ELOVL4: variants seen among roughly 807,000 people sequenced by gnomAD.
ELOVL4 encodes ELOVL fatty acid elongase 4.
In ELOVL4, 18 loss-of-function variants were observed where a neutral mutation model predicts 42.1. That is an observed-to-expected ratio of 0.43 (90% CI 0.30 to 0.63). The LOEUF is 0.63. ELOVL4 is among the 30% of genes least tolerant of loss of function. The pLI is 0.15. For missense variants in ELOVL4, 299 were observed against 376.2 expected (o/e 0.79, Z 1.70); for synonymous variants, 117 against 127.0 (o/e 0.92, Z 0.53).
intron 1 of ELOVL4, among the ~76,000 whole-genome samples, chr6:79,927,789 A>G (rs1011108202): frequency 3.3e-5 from 5 of 152,214 alleles, no homozygotes; most frequent in African/African-American, 1.2e-4. Context: ...TCATAGTTTT[A>G]AAAGGAGGTC....
chr6:79,930,419 C>A (rs186255572), intron 1 of ELOVL4, among the ~76,000 whole-genome samples: 37 of 152,266 alleles, frequency 2.4e-4, no homozygotes, highest in Non-Finnish European at 3.7e-4. Context: ...CAATTCCCAA[C>A]CTTTTAATAA....
intron 4 of ELOVL4, 140 bp downstream of exon 4, chr6:79,921,485 A>AAG: frequency 1.0e-5 from 6 of 589,990 alleles, no homozygotes; most frequent in South Asian, 7.2e-5. Context: ...AAAAAAAAAA[A>AAG]AAAAGAAATG....
In ELOVL4 at chr6:79,915,418, C is replaced by T. The variant is rs1271126146; in HGVS notation, c.*1190G>A. 2 of 152,504 alleles carry T rather than the reference C, an allele frequency of 1.3e-5. No homozygotes were observed. Among genetic ancestry groups the T allele is most frequent in the Non-Finnish European group, 2.9e-5 (2 of 67,986 alleles). The allele number at this position is 152,504 out of a possible 1,614,324, so 9.4% of individuals were successfully genotyped here. A position where few individuals can be genotyped will look rare whatever the true frequency, so the allele number is the denominator to read the frequency against. On this transcript the variant is annotated 3_prime_UTR_variant, in exon 6 of 6. Coordinates refer to ENST00000369816, the MANE Select transcript of ELOVL4 (RefSeq NM_022726.4). ...TTAACAATCTTTAGCACCAAGGAGT[C>T]AAGAATATTGCACCAAAATGGGTTT...
rs368166833 is a variant in ELOVL4 at position 79,916,684 on chromosome 6, C to T, written c.869G>A (p.Gly290Asp). The T allele has an allele frequency of 1.2e-6, 2 of 1,614,130 alleles. No individual in the cohort carries two copies. ...GAGTTGTTTTTCTGATTTGCTCACA[C>T]CATTTGCTGAAATACCATTCATGGC... ...KTAMNGISAN[G>D]VSKSEKQLMI... Residue 290 changes from glycine (G) to aspartate (D), a missense_variant, in exon 6 of 6, where the codon GGT becomes GAT. Transcript: ENST00000369816.
intron 3 of ELOVL4, among the ~76,000 whole-genome samples, chr6:79,924,107 C>T (rs567481588): frequency 7.2e-5 from 11 of 152,188 alleles, no homozygotes; most frequent in African/African-American, 2.6e-4. Context: ...GTTTCTTTTG[C>T]TTAATGTTAA....
At chr6:79,936,252 A>G (rs533279950) in intron 1 of ELOVL4, among the ~76,000 whole-genome samples, 145 of 152,338 alleles carry the variant, frequency 9.5e-4, no homozygotes, top group African/African-American at 3.5e-3. Flanking sequence ...AGTCTGTACT[A>G]TACTATTCCC....
At chr6:79,922,214 T>C (rs1007416) in intron 3 of ELOVL4, among the ~76,000 whole-genome samples, 24,388 of 152,144 alleles carry the variant, frequency 0.16, 2,239 homozygotes, top group South Asian at 0.36. Flanking sequence ...AGTAAGTTCA[T>C]GTAGCAACTG....
intron 1 of ELOVL4, among the ~76,000 whole-genome samples, chr6:79,928,561 T>A (rs1300455623): frequency 6.6e-6 from 1 of 151,768 alleles, no homozygotes; most frequent in Non-Finnish European, 1.5e-5. Flanking sequence ...AAGAGAGGAC[T>A]ACCACAGGAG....
chr6:79,935,719 C>A (rs1203339567), intron 1 of ELOVL4, among the ~76,000 whole-genome samples: 1 of 152,202 alleles, frequency 6.6e-6, no homozygotes, highest in Non-Finnish European at 1.5e-5. Context: ...CACAAAATTC[C>A]TGTTAGGATA....
chr6:79,937,930 T>G (rs1157759922), intron 1 of ELOVL4, among the ~76,000 whole-genome samples: 1 of 152,214 alleles, frequency 6.6e-6, no homozygotes, highest in East Asian at 1.9e-4. Flanking sequence ...TTTCATCATG[T>G]GCAGACGATA....
chr6:79,921,014 T>C (rs1335394745), intron 4 of ELOVL4, among the ~76,000 whole-genome samples: 1 of 152,178 alleles, frequency 6.6e-6, no homozygotes, highest in Non-Finnish European at 1.5e-5. Context: ...TGTGTCTTGG[T>C]ATTCTTTGGA....
intron 3 of ELOVL4, among the ~76,000 whole-genome samples, chr6:79,924,717 C>T (rs1774315232): frequency 6.6e-6 from 1 of 152,088 alleles, no homozygotes; most frequent in Non-Finnish European, 1.5e-5. Context: ...CACCCGTAGT[C>T]CCAGCTACTT....
chr6:79,928,008 T>A (rs1774373064), intron 1 of ELOVL4, among the ~76,000 whole-genome samples: 1 of 152,224 alleles, frequency 6.6e-6, no homozygotes, highest in Admixed American at 6.5e-5. Flanking sequence ...TGGCATTTTA[T>A]CATTTTATGT....
chr6:79,924,497 A>G (rs559480998), intron 3 of ELOVL4, among the ~76,000 whole-genome samples: 2 of 152,334 alleles, frequency 1.3e-5, no homozygotes, highest in South Asian at 2.1e-4. Context: ...AAAAAAGCAT[A>G]GTTTTACTGA....
intron 1 of ELOVL4, among the ~76,000 whole-genome samples, chr6:79,940,704 A>G (rs1434923243): frequency 6.6e-6 from 1 of 152,188 alleles, no homozygotes; most frequent in Non-Finnish European, 1.5e-5. Flanking sequence ...ACAGGTAGAA[A>G]TAAGAGACCC....
At chr6:79,943,741 C>G (rs1490883916) in intron 1 of ELOVL4, among the ~76,000 whole-genome samples, 1 of 152,102 alleles carries the variant, frequency 6.6e-6, no homozygotes, top group Non-Finnish European at 1.5e-5. Context: ...CTGTACATGG[C>G]AAGTAAATAC....
chr6:79,939,677 C>A (rs951810450), intron 1 of ELOVL4, among the ~76,000 whole-genome samples: 6 of 151,952 alleles, frequency 3.9e-5, no homozygotes, highest in Admixed American at 3.3e-4. Flanking sequence ...GCATATGGCA[C>A]CAGGCCTGGC....
intron 4 of ELOVL4, among the ~76,000 whole-genome samples, 153 bp downstream of exon 4, chr6:79,921,459 CAAAAAAAAAAAAA>C (rs1168483827): frequency 0.077 from 3,252 of 42,476 alleles, 83 homozygotes; most frequent in Middle Eastern, 0.21. Flanking sequence ...GACTCCATCT[CAAAAAAAAAAAAA>C]AAAAAAAAAA....
Position 79,916,231 on chromosome 6 carries a change from A to T in ELOVL4, c.*377T>A, listed in dbSNP as rs77249894. The T allele has an allele frequency of 5.7e-4, 119 of 209,306 alleles. 3 individuals carry two copies. The East Asian group carries it at 0.011, about 19-fold the overall frequency. The allele number at this position is 209,306 out of a possible 1,614,324, so 13.0% of individuals were successfully genotyped here. On this transcript the variant is annotated 3_prime_UTR_variant, in exon 6 of 6. Coordinates refer to ENST00000369816, the MANE Select transcript of ELOVL4 (RefSeq NM_022726.4). The stretch of plus-strand genomic sequence containing the variant: ...ATAAGATAATTAGTAATTTATCAAA[A>T]TAATTCATAAAGACCGTTTCTGTGA...
Sources: allele counts gnomAD v4.1 joint callset (sites outside exome capture counted in the v4.1 genomes callset), GRCh38; gene constraint gnomAD v4.1.1; transcripts MANE v1.5; gene names NCBI Gene and HGNC (gene_info 2026-07-23, HGNC 2026-07-21).